The following RBFOX3 variants were observed in gnomAD, a reference collection of about 807,000 sequenced individuals.
RBFOX3 encodes RNA binding fox-1 homolog 3.
In RBFOX3, 17 loss-of-function variants were observed where a neutral mutation model predicts 48.7. The observed-to-expected ratio is 0.35, with a 90% CI of 0.24 to 0.52. The LOEUF is 0.52. RBFOX3 is among the 20% of genes least tolerant of loss of function. The pLI is 0.94. For missense variants in RBFOX3, 382 were observed against 497.5 expected (o/e 0.77, Z 2.21); for synonymous variants, 212 against 209.5 (o/e 1.01, Z -0.10).
chr17:79,252,554 C>T lies in RBFOX3; in HGVS notation c.-73-16749G>A, dbSNP rs62062907. On this transcript the variant is annotated intron_variant, in intron 3 of 14. Transcript: ENST00000693108. The surrounding 1 kb of genome is among the most constrained non-coding windows in gnomAD (Gnocchi z 4.0). ...AACAGGGAGGCAGTGGACTCTCCCTCGGAAATGAGCTCTGATGGTTCCTCG... is the reference window on the plus strand; with the variant it reads ...AACAGGGAGGCAGTGGACTCTCCCTTGGAAATGAGCTCTGATGGTTCCTCG... Among the ~76,000 whole-genome samples, 258 of 152,278 alleles carry T rather than the reference C, an allele frequency of 1.7e-3. No individual in the cohort carries two copies. Among genetic ancestry groups the T allele is most frequent in the Middle Eastern group, 3.4e-3 (1 of 294 alleles).
intron 4 of RBFOX3, among the ~76,000 whole-genome samples, chr17:79,145,324 T>A (rs1430609464): frequency 6.6e-6 from 1 of 152,224 alleles, no homozygotes; most frequent in Non-Finnish European, 1.5e-5. Context: ...AAGTTCCCGA[T>A]GTGCGTGGCG....
intron 4 of RBFOX3, among the ~76,000 whole-genome samples, chr17:79,159,106 C>T (rs1268179099): frequency 6.6e-6 from 1 of 152,214 alleles, no homozygotes; most frequent in Non-Finnish European, 1.5e-5. Flanking sequence ...AGCAAGAGGG[C>T]ATCTCTGTGG....
At chr17:79,648,030 C>A in the RBFOX3 span, among the ~76,000 whole-genome samples, 1 of 152,032 alleles carries the variant, frequency 6.6e-6, no homozygotes, top group African/African-American at 2.4e-5. Context: ...ACAGAGCCTC[C>A]TGGGGGTCCA....
intron 2 of RBFOX3, among the ~76,000 whole-genome samples, chr17:79,385,803 A>G (rs1248827728): frequency 6.6e-6 from 1 of 151,366 alleles, no homozygotes; most frequent in Non-Finnish European, 1.5e-5. Context: ...CCTGTAACAG[A>G]TGGGGTTCCA....
chr17:79,575,557 G>C (rs902572012), intron 1 of RBFOX3, among the ~76,000 whole-genome samples: 1 of 152,180 alleles, frequency 6.6e-6, no homozygotes, highest in East Asian at 1.9e-4. Context: ...GTCAGCCTTC[G>C]GCTTAGAGAA....
intron 2 of RBFOX3, among the ~76,000 whole-genome samples, chr17:79,357,676 C>A (rs1428229111): frequency 7.1e-6 from 1 of 141,194 alleles, no homozygotes; most frequent in East Asian, 2.1e-4. Flanking sequence ...GACGACTTCA[C>A]TCCTCATGCT....
chr17:79,492,139 A>G (rs2080771716), intron 1 of RBFOX3, among the ~76,000 whole-genome samples: 1 of 152,178 alleles, frequency 6.6e-6, no homozygotes, highest in Non-Finnish European at 1.5e-5. Flanking sequence ...CTGAGCTCAC[A>G]CTGGACATGC....
At chr17:79,094,371 G>T in intron 14 of RBFOX3, 80 bp downstream of exon 14, 1 of 1,044,232 alleles carries the variant, frequency 9.6e-7, no homozygotes, top group Non-Finnish European at 1.3e-6. Flanking sequence ...AGAGGGCTCG[G>T]CCTCTCCCCC....
At chr17:79,436,119 C>T (rs114263740) in intron 2 of RBFOX3, among the ~76,000 whole-genome samples, 2,880 of 152,260 alleles carry the variant, frequency 0.019, 95 homozygotes, top group African/African-American at 0.065. Context: ...CACCACAGAG[C>T]GGGGTTCTAG....
At chr17:79,209,837 A>C (rs1041303838) in intron 4 of RBFOX3, among the ~76,000 whole-genome samples, 2 of 152,022 alleles carry the variant, frequency 1.3e-5, no homozygotes, top group Admixed American at 1.3e-4. Context: ...ACTAAACAAA[A>C]ACACAAAAAA....
At chr17:79,274,817 C>T (rs542811042) in intron 3 of RBFOX3, among the ~76,000 whole-genome samples, 1 of 152,094 alleles carries the variant, frequency 6.6e-6, no homozygotes, top group Admixed American at 6.5e-5. Context: ...CCTCCCTGAC[C>T]ACGGTCCCGC....
At chr17:79,610,612 G>A (rs2093951131) in intron 1 of RBFOX3, among the ~76,000 whole-genome samples, 1 of 151,912 alleles carries the variant, frequency 6.6e-6, no homozygotes, top group East Asian at 2.0e-4. Flanking sequence ...AGCCCCGGAG[G>A]GACCCAGGGA....
intron 1 of RBFOX3, among the ~76,000 whole-genome samples, chr17:79,525,763 T>C (rs1214298037): frequency 1.3e-5 from 2 of 152,256 alleles, no homozygotes; most frequent in Non-Finnish European, 2.9e-5. Flanking sequence ...TGTTTGAGTA[T>C]ATATTCTATG....
intron 2 of RBFOX3, among the ~76,000 whole-genome samples, chr17:79,328,238 G>GAGA: frequency 6.6e-6 from 1 of 152,152 alleles, no homozygotes; most frequent in Non-Finnish European, 1.5e-5. Flanking sequence ...TGGGGAGCAG[G>GAGA]GGCAAGGACC....
intron 2 of RBFOX3, among the ~76,000 whole-genome samples, chr17:79,327,685 G>C (rs1484260784): frequency 6.6e-6 from 1 of 152,200 alleles, no homozygotes; most frequent in Non-Finnish European, 1.5e-5. Flanking sequence ...GCCTGCTATA[G>C]TCATCCACTT....
intron 4 of RBFOX3, chr17:79,135,217 G>T (rs796493255): frequency 6.6e-6 from 1 of 152,372 alleles, no homozygotes; most frequent in African/African-American, 2.4e-5. Context: ...AGTCAGCGCC[G>T]CAGGCCGTCC....
chr17:79,459,941 T>C (rs2075151846), intron 2 of RBFOX3, among the ~76,000 whole-genome samples: 1 of 152,042 alleles, frequency 6.6e-6, no homozygotes, highest in South Asian at 2.1e-4. Context: ...CAATGGTAGG[T>C]CCAAGCAGCG....
intron 4 of RBFOX3, among the ~76,000 whole-genome samples, chr17:79,215,055 C>T (rs983048161): frequency 6.6e-6 from 1 of 152,172 alleles, no homozygotes; most frequent in Non-Finnish European, 1.5e-5. Context: ...CATGAGCCCA[C>T]CCCCTGGCTC....
chr17:79,217,679 T>C (rs1038529552), intron 4 of RBFOX3, among the ~76,000 whole-genome samples: 2 of 151,798 alleles, frequency 1.3e-5, no homozygotes, highest in African/African-American at 2.4e-5. Flanking sequence ...TGGTGACAGC[T>C]AAGCTGCCCT....
Sources: gnomAD v4.1 joint callset for allele counts (sites outside exome capture counted in the v4.1 genomes callset) on GRCh38, gnomAD v4.1.1 for gene constraint, Gnocchi (gnomAD v3.1) non-coding constraint, MANE v1.5 for transcripts, NCBI Gene and HGNC (gene_info 2026-07-23, HGNC 2026-07-21) for gene names.